The following ADAMTS2 variants were observed in gnomAD, a reference collection of about 807,000 sequenced individuals.
ADAMTS2 encodes A disintegrin and metalloproteinase with thrombospondin motifs 2.
In ADAMTS2, 50 loss-of-function variants were observed where a neutral mutation model predicts 123.0. That is an observed-to-expected ratio of 0.41 (90% CI 0.32 to 0.51). ADAMTS2 has a LOEUF of 0.51. Among genes scored for constraint, ADAMTS2 ranks in the 20% least tolerant of loss-of-function variants. The pLI, the probability that ADAMTS2 is intolerant of heterozygous loss-of-function variation, is 0.35. For synonymous variants in ADAMTS2, 678 were observed against 695.4 expected, an observed-to-expected ratio of 0.98 and a Z score of 0.39; for missense variants, 1,494 against 1,705.2, an observed-to-expected ratio of 0.88 and a Z score of 2.18.
chr5:179,221,322 G>C (rs1765120717), intron 3 of ADAMTS2, among the ~76,000 whole-genome samples: 1 of 152,170 alleles, frequency 6.6e-6, no homozygotes. Context: ...CGCATCCCGA[G>C]CTTCCAATGG....
Position 179,139,122 on chromosome 5 carries a change from G to A in ADAMTS2, c.1775+768C>T, listed in dbSNP as rs185893594. Among the ~76,000 whole-genome samples the A allele has an allele frequency of 5.9e-5, 9 of 152,310 alleles. No individual in the cohort carries two copies. In the East Asian group the frequency reaches 1.4e-3, roughly 23 times the overall value. On this transcript the variant is annotated intron_variant, in intron 11 of 21. Transcript: ENST00000251582. The stretch of plus-strand genomic sequence containing the variant: ...TGCAGGGCCTGCGGCGTAAGAGCCC[G>A]CTGCGCAGGTGGGAGACGGGGGTAA...
At chr5:179,137,986 A>AAAG (rs1336777935) in intron 11 of ADAMTS2, 42 bp from the exon 12 acceptor site, 1 of 1,537,582 alleles carries the variant, frequency 6.5e-7, no homozygotes, top group East Asian at 2.4e-5. Context: ...GTGCCATTGG[A>AAAG]AAGAGGCAGC....
intron 2 of ADAMTS2, among the ~76,000 whole-genome samples, chr5:179,326,623 C>T (rs761326381): frequency 1.3e-5 from 2 of 152,108 alleles, no homozygotes; most frequent in African/African-American, 2.4e-5. Flanking sequence ...AAAATATGAT[C>T]TTGTAGTAAC....
In ADAMTS2 at chr5:179,228,552, C is replaced by A. The variant is rs1349606326; in HGVS notation, c.689-20837G>T. ...AAGGAGACTCTGCAGCAAGGCCCAG[C>A]TCTTATGCCGGCCACTGCCTTGCCT... On this transcript the variant is annotated intron_variant, in intron 3 of 21. Coordinates refer to ENST00000251582, the MANE Select transcript of ADAMTS2 (RefSeq NM_014244.5). This position sits in a 1 kb window ranked among gnomAD's most constrained non-coding sequence, Gnocchi z 5.2. Among the ~76,000 whole-genome samples the A allele has an allele frequency of 6.6e-6, 1 of 152,246 alleles. No individual in the cohort carries two copies. The highest frequency in any genetic ancestry group is 1.5e-5 in the Non-Finnish European group (1 of 68,048).
At position 179,299,295 on chromosome 5, in the gene ADAMTS2, T is replaced by A. The variant is rs76491872; in HGVS notation, c.535-26231A>T. Among the ~76,000 whole-genome samples, 8 of 78,046 alleles carry A rather than the reference T, an allele frequency of 1.0e-4. 1 individual carries two copies. Among genetic ancestry groups the A allele is most frequent in the Non-Finnish European group, 2.7e-5 (1 of 36,524 alleles). The allele number at this position is 78,046 out of a possible 152,430, so 51.2% of individuals were successfully genotyped here. A position where few individuals can be genotyped will look rare whatever the true frequency, so the allele number is the denominator to read the frequency against. On this transcript the variant is annotated intron_variant, in intron 2 of 21. Transcript: ENST00000251582. ...CTGTAATCCCAGCACTTTGGGAGGCTGAGGCGGGCGGATCACGAGGTCAGG... is the reference window on the plus strand; with the variant it reads ...CTGTAATCCCAGCACTTTGGGAGGCAGAGGCGGGCGGATCACGAGGTCAGG...
chr5:179,154,223 C>G (rs1763423311), intron 7 of ADAMTS2, 31 bp from the exon 8 acceptor site: 2 of 1,539,080 alleles, frequency 1.3e-6, no homozygotes, highest in African/African-American at 2.7e-5. Flanking sequence ...GGCTGAATCC[C>G]ACTGGCACAC....
At chr5:179,324,061 A>G (rs1757249593) in intron 2 of ADAMTS2, among the ~76,000 whole-genome samples, 1 of 152,256 alleles carries the variant, frequency 6.6e-6, no homozygotes, top group Non-Finnish European at 1.5e-5. Context: ...ATATTGTGTG[A>G]TTCATTTATA....
chr5:179,342,361 T>A (rs920967347), intron 2 of ADAMTS2, among the ~76,000 whole-genome samples: 19 of 152,098 alleles, frequency 1.2e-4, no homozygotes, highest in African/African-American at 3.4e-4. Flanking sequence ...GCCCAGGATG[T>A]CCTCAGAGAC....
At chr5:179,253,419 G>A (rs572443042) in intron 3 of ADAMTS2, among the ~76,000 whole-genome samples, 3 of 152,228 alleles carry the variant, frequency 2.0e-5, no homozygotes, top group South Asian at 4.1e-4. Context: ...CAAGGTGGGC[G>A]GATCCCTTGA....
chr5:179,222,361 TC>T (rs1315013481), intron 3 of ADAMTS2, among the ~76,000 whole-genome samples: 1 of 152,146 alleles, frequency 6.6e-6, no homozygotes, highest in Non-Finnish European at 1.5e-5. Flanking sequence ...GAAAATTTAA[TC>T]CCCAAGGCAG....
In ADAMTS2 at chr5:179,137,902, G is replaced by T. The variant is rs1171731017; in HGVS notation, c.1818C>A (p.Asp606Glu). ...AGTCCTGGCGGCTGCAGAGCTGGAAGTCGTAGGCAAGGCCCGAGCAGGTGC... is the reference window on the plus strand; with the variant it reads ...AGTCCTGGCGGCTGCAGAGCTGGAATTCGTAGGCAAGGCCCGAGCAGGTGC... ...GGRTCSGLAYDFQLCSRQDCP... is the reference protein window; with the variant it reads ...GGRTCSGLAYEFQLCSRQDCP... Residue 606 changes from aspartate (D) to glutamate (E), a missense_variant, in exon 12 of 22, where the codon GAC (aspartate) becomes GAA (glutamate). Around this residue, in one of 6 missense-constraint regions of ADAMTS2, gnomAD observed 953 missense variants for 1,124.7 expected, o/e 0.85. Transcript: ENST00000251582. 10 of 1,554,034 alleles carry T rather than the reference G, an allele frequency of 6.4e-6. No homozygotes were observed. Among genetic ancestry groups the T allele is most frequent in the Non-Finnish European group, 8.7e-6 (10 of 1,150,340 alleles).
intron 3 of ADAMTS2, among the ~76,000 whole-genome samples, chr5:179,252,585 T>C (rs1216591305): frequency 2.6e-5 from 4 of 152,194 alleles, no homozygotes; most frequent in Non-Finnish European, 5.9e-5. Flanking sequence ...ATTTTTGCTT[T>C]GGGGGCTATT....
At chr5:179,249,857 TAC>T (rs1765879562) in intron 3 of ADAMTS2, among the ~76,000 whole-genome samples, 1 of 152,154 alleles carries the variant, frequency 6.6e-6, no homozygotes, top group Non-Finnish European at 1.5e-5. Context: ...AGGCCAGCAT[TAC>T]CCTGATACCG....
intron 15 of ADAMTS2, among the ~76,000 whole-genome samples, chr5:179,131,988 T>A (rs1382121483): frequency 6.6e-6 from 1 of 152,154 alleles, no homozygotes; most frequent in Non-Finnish European, 1.5e-5. Flanking sequence ...TGCATATATG[T>A]CCTTTCATAG....
Position 179,285,499 on chromosome 5 carries a change from G to A in ADAMTS2, c.535-12435C>T, listed in dbSNP as rs943766008. Among the ~76,000 whole-genome samples, 7 of 152,162 alleles carry A rather than the reference G, an allele frequency of 4.6e-5. No individual in the cohort carries two copies. The highest frequency in any genetic ancestry group is 8.8e-5 in the Non-Finnish European group (6 of 68,028). Reference sequence around the variant, plus strand: ...CAGCTCCCCCATCTCCATGGCTCCTGCACACACCAATGCCGGGGTAGCCTC... The same window carrying A: ...CAGCTCCCCCATCTCCATGGCTCCTACACACACCAATGCCGGGGTAGCCTC... On this transcript the variant is annotated intron_variant, in intron 2 of 21. Transcript: ENST00000251582. The surrounding 1 kb of genome is among the most constrained non-coding windows in gnomAD (Gnocchi z 4.9).
chr5:179,152,165 C>T lies in ADAMTS2; in HGVS notation c.1606G>A (p.Gly536Arg). 5 of 1,613,946 alleles carry T rather than the reference C, an allele frequency of 3.1e-6. No individual in the cohort carries two copies. Among genetic ancestry groups the T allele is most frequent in the Non-Finnish European group, 4.2e-6 (5 of 1,179,882 alleles). The change falls in exon 10 of 22, where the codon GGG (glycine) becomes AGG (arginine). Residue 536 changes from glycine (G) to arginine (R), a missense_variant. Transcript: ENST00000251582. The part of the protein sequence containing the change: ...CKTKKGPPLD[G>R]TMCAPGKHCF... ...ACCTTGCCAGGTGCACACATAGTCC[C>T]GTCCAAGGGGGGCCCCTTCTTGGTC...
At chr5:179,302,271 C>A (rs1031048252) in intron 2 of ADAMTS2, among the ~76,000 whole-genome samples, 4 of 149,940 alleles carry the variant, frequency 2.7e-5, no homozygotes, top group Non-Finnish European at 4.4e-5. Context: ...ACCATCCTGG[C>A]TAACACAGTG....
intron 2 of ADAMTS2, among the ~76,000 whole-genome samples, chr5:179,334,216 G>A (rs1339037205): frequency 6.6e-6 from 1 of 152,230 alleles, no homozygotes; most frequent in Non-Finnish European, 1.5e-5. Context: ...GCGTGGCCGG[G>A]AGGTGCTGGC....
At chr5:179,137,643 G>T in intron 12 of ADAMTS2, 126 bp downstream of exon 12, 1 of 1,325,036 alleles carries the variant, frequency 7.5e-7, no homozygotes, top group Admixed American at 2.0e-5. Flanking sequence ...AGCCAGGGTG[G>T]GCTCTCCTGC....
Sources: allele counts gnomAD v4.1 joint callset (sites outside exome capture counted in the v4.1 genomes callset), GRCh38; gene constraint gnomAD v4.1.1; regional missense constraint gnomAD v4.1.1; non-coding constraint Gnocchi (gnomAD v3.1); transcripts MANE v1.5; gene names NCBI Gene and HGNC (gene_info 2026-07-23, HGNC 2026-07-21).